MED17: variants seen among roughly 807,000 people sequenced by gnomAD.
The protein encoded by MED17 is mediator complex subunit 17, also known as mediator of RNA polymerase II transcription subunit 17.
A neutral mutation model predicts 80.8 loss-of-function variants in MED17; 49 were observed. The ratio of observed to expected loss-of-function variants is 0.61; its 90% confidence interval spans 0.48 to 0.77. The LOEUF (loss-of-function observed/expected upper bound fraction) is 0.77. MED17 is among the 30% of genes least tolerant of loss of function. The probability of loss-of-function intolerance (pLI) is 0.00; values close to 1 mark genes in which losing one functional copy is unlikely to be tolerated. For synonymous variants in MED17, 281 were observed against 280.4 expected, an observed-to-expected ratio of 1.00 and a Z score of -0.02; for missense variants, 718 against 787.0, an observed-to-expected ratio of 0.91 and a Z score of 1.05.
At chr11:93,785,826 G>A (rs1413464467) in intron 1 of MED17, among the ~76,000 whole-genome samples, 2 of 152,198 alleles carry the variant, frequency 1.3e-5, no homozygotes, top group South Asian at 2.1e-4. Flanking sequence ...AGCAACATAG[G>A]GAGCTCCTGC....
In MED17 at chr11:93,800,489, C is replaced by T. The variant is rs150005410; in HGVS notation, c.1329-1346C>T. Among the ~76,000 whole-genome samples, 537 of 151,956 alleles carry T rather than the reference C, an allele frequency of 3.5e-3. 12 individuals are homozygous for T. The East Asian group carries it at 0.057, about 16-fold the overall frequency. On this transcript the variant is annotated intron_variant, in intron 8 of 11. Coordinates refer to ENST00000251871, the MANE Select transcript of MED17 (RefSeq NM_004268.5). ...ACTAAAAATAGAAAAATTAGCCAGGCGTGGTGGCACACGCCTGTAGTCCCA... is the reference window on the plus strand; with the variant it reads ...ACTAAAAATAGAAAAATTAGCCAGGTGTGGTGGCACACGCCTGTAGTCCCA...
At chr11:93,797,417 G>T in intron 7 of MED17, 118 bp from the exon 8 acceptor site, 1 of 999,868 alleles carries the variant, frequency 1.0e-6, no homozygotes, top group Non-Finnish European at 1.6e-6. Flanking sequence ...AGGTTGGATT[G>T]TTTTCATATG....
chr11:93,790,372 GT>G, intron 2 of MED17: 6 of 606,876 alleles, frequency 9.9e-6, no homozygotes, highest in East Asian at 3.1e-5. Flanking sequence ...CCATTGTAGT[GT>G]TTTTGGTTTA....
rs780091278 is a variant in MED17, at chr11:93,796,396, CT to C, written c.1013-9del. On this transcript the variant is annotated splice_polypyrimidine_tract_variant and intron_variant, in intron 6 of 11. Transcript: ENST00000251871. Reference sequence around the variant, plus strand: ...CAGGTTATTTACATATGTCCTCCTTCTTTTTATAAATAGGCTTGCAGTTATC... The same window carrying C: ...CAGGTTATTTACATATGTCCTCCTTCTTTTATAAATAGGCTTGCAGTTATC... 4 of 1,606,722 alleles carry C rather than the reference CT, an allele frequency of 2.5e-6. No homozygotes were observed. The Admixed American group carries it at 6.7e-5, about 27-fold the overall frequency.
chr11:93,787,893 T>C, intron 1 of MED17, 108 bp from the exon 2 acceptor site: 1 of 954,780 alleles, frequency 1.0e-6, no homozygotes, highest in South Asian at 1.3e-5. Context: ...CAATTTGAAA[T>C]TTAATTAATT....
chr11:93,809,210 C>A (rs1223423538), intron 10 of MED17: 2 of 235,970 alleles, frequency 8.5e-6, no homozygotes, highest in Non-Finnish European at 1.7e-5. Flanking sequence ...AGCAGCCAGT[C>A]AAGAGATACA....
chr11:93,798,494 T>C (rs1013067727), intron 8 of MED17, among the ~76,000 whole-genome samples: 5 of 152,312 alleles, frequency 3.3e-5, no homozygotes, highest in African/African-American at 1.2e-4. Context: ...TTTTTTCTTG[T>C]TAATACAGTT....
intron 8 of MED17, among the ~76,000 whole-genome samples, chr11:93,798,551 T>G (rs1217340039): frequency 6.6e-6 from 1 of 152,160 alleles, no homozygotes; most frequent in African/African-American, 2.4e-5. Flanking sequence ...ATTTAGGTCC[T>G]TCAGCTTTTA....
At chr11:93,787,671 T>C (rs1007590146) in intron 1 of MED17, among the ~76,000 whole-genome samples, 35 of 152,202 alleles carry the variant, frequency 2.3e-4, no homozygotes, top group African/African-American at 8.4e-4. Flanking sequence ...TTTGGAAATT[T>C]TGTACAATTG....
intron 3 of MED17, 40 bp from the exon 4 acceptor site, chr11:93,793,688 T>C (rs1943867751): frequency 7.2e-7 from 1 of 1,385,088 alleles, no homozygotes; most frequent in Non-Finnish European, 1.0e-6. Context: ...GAATAATATG[T>C]TAACTGTTTT....
In MED17 at chr11:93,796,467, T is replaced by A; in HGVS notation, c.1070T>A (p.Phe357Tyr). ...HSSNDKKSQK[F>Y]ATEKQCPEDH... ...TCAAATGATAAGAAATCCCAAAAAT[T>A]TGCTACTGAGAAGCAATGTCCGGAG... The change falls in exon 7 of 12, where the codon TTT becomes TAT. Residue 357 changes from phenylalanine to tyrosine, a missense_variant. Phe to Tyr is a conservative substitution (Grantham distance 22). Coordinates refer to ENST00000251871, the MANE Select transcript of MED17 (RefSeq NM_004268.5). The A allele has an allele frequency of 6.2e-7, 1 of 1,613,818 alleles. No individual in the cohort carries two copies. The highest frequency in any genetic ancestry group is 1.3e-5 in the African/African-American group (1 of 75,044).
In MED17 at chr11:93,794,890, A is replaced by G. The variant is rs1159167065; in HGVS notation, c.860-18A>G. 9 of 1,613,116 alleles carry G rather than the reference A, an allele frequency of 5.6e-6. No individual in the cohort carries two copies. The highest frequency in any genetic ancestry group is 3.3e-4 in the Middle Eastern group (2 of 6,062). On this transcript the variant is annotated intron_variant, in intron 5 of 11. Coordinates refer to ENST00000251871, the MANE Select transcript of MED17 (RefSeq NM_004268.5). ...TAATATGGTTAGATAATTGATACATATATTTCTTGTCTTTCAGGTTCCCCA... is the reference window on the plus strand; with the variant it reads ...TAATATGGTTAGATAATTGATACATGTATTTCTTGTCTTTCAGGTTCCCCA...
chr11:93,787,907 T>C (rs1212549698), intron 1 of MED17, 94 bp from the exon 2 acceptor site: 3 of 1,023,576 alleles, frequency 2.9e-6, no homozygotes, highest in Non-Finnish European at 3.1e-6. Context: ...ATTAATTATT[T>C]CTCCTTTTAG....
At chr11:93,789,521 A>G (rs1943808891) in intron 2 of MED17, 1 of 152,166 alleles carries the variant, frequency 6.6e-6, no homozygotes, top group Non-Finnish European at 1.5e-5. Flanking sequence ...TTTTTATGTG[A>G]TTTTTGACTC....
chr11:93,797,604 A>G lies in MED17; in HGVS notation c.1213A>G (p.Met405Val). The G allele has an allele frequency of 1.2e-6, 2 of 1,614,142 alleles. No homozygotes were observed. Among genetic ancestry groups the G allele is most frequent in the Non-Finnish European group, 1.7e-6 (2 of 1,179,970 alleles). ...AAGTGCACCTTTTGGCCACAAGAGA[A>G]TGAGACTTTCGGGTCCTCAAGCTTT... ...PASAPFGHKR[M>V]RLSGPQAFDK... Residue 405 changes from methionine (M) to valine (V), a missense_variant, in exon 8 of 12, where the codon ATG becomes GTG. Coordinates refer to ENST00000251871, the MANE Select transcript of MED17 (RefSeq NM_004268.5).
chr11:93,787,485 A>G lies in MED17; in HGVS notation c.251-516A>G, dbSNP rs116352047. ...GTGGTTACCTCTCAGGAGGGGAGAG[A>G]ATCGGGTGGGGAATGAAGGAAAACT... On this transcript the variant is annotated intron_variant, in intron 1 of 11. Transcript: ENST00000251871. 4.6e-3 allele frequency among the ~76,000 whole-genome samples: 705 copies of G among 152,228 alleles called. 9 individuals are homozygous for G. Among genetic ancestry groups the G allele is most frequent in the African/African-American group, 0.016 (657 of 41,554 alleles).
chr11:93,784,478 TG>T lies in MED17; in HGVS notation c.-30del, dbSNP rs756969593. ...TCTTCGTACCTCGTTTTTTGGCTCG[TG>T]GGGGGTCCTCCCACCGCTGGCCGAC... is the stretch of plus-strand genomic sequence containing the variant. On this transcript the variant is annotated 5_prime_UTR_variant, in exon 1 of 12. Transcript: ENST00000251871. 16 of 1,575,784 alleles carry T rather than the reference TG, an allele frequency of 1.0e-5. No individual in the cohort carries two copies. In the Middle Eastern group the frequency reaches 6.7e-4, roughly 66 times the overall value.
At position 93,794,936 on chromosome 11, in the gene MED17, A is replaced by G. The variant is rs1158077970; in HGVS notation, c.888A>G (p.Glu296=). The G allele has an allele frequency of 6.2e-7, 1 of 1,614,186 alleles. No individual in the cohort carries two copies. The highest frequency in any genetic ancestry group is 2.2e-5 in the East Asian group (1 of 44,878). ...CCCCACATTGGCAGACAAAATTAGAAGCGGCACAGAATGTTCTCTTATGTA... is the reference window on the plus strand; with the variant it reads ...CCCCACATTGGCAGACAAAATTAGAGGCGGCACAGAATGTTCTCTTATGTA... ...PGSPHWQTKL[E]AAQNVLLCKE... The change falls in exon 6 of 12, where the codon GAA becomes GAG. Residue 296 remains glutamate (E), a synonymous_variant. Transcript: ENST00000251871.
Position 93,791,079 on chromosome 11 carries a change from G to A in MED17, c.637+286G>A, listed in dbSNP as rs555309673. On this transcript the variant is annotated intron_variant, in intron 3 of 11. Transcript: ENST00000251871. ...GCCAAGATCGCACCATTGCTCTCCA[G>A]CATGGGGGACAGAGCGAGACTCTCT... Among the ~76,000 whole-genome samples the A allele has an allele frequency of 1.9e-4, 29 of 152,344 alleles. No homozygotes were observed. The South Asian group carries it at 5.6e-3, about 29-fold the overall frequency.
Sources: gnomAD v4.1 joint callset for allele counts (sites outside exome capture counted in the v4.1 genomes callset) on GRCh38, gnomAD v4.1.1 for gene constraint, MANE v1.5 for transcripts, NCBI Gene and HGNC (gene_info 2026-07-23, HGNC 2026-07-21) for gene names.